KANK1: variants seen among roughly 807,000 people sequenced by gnomAD.
KANK1 encodes the protein KN motif and ankyrin repeat domain-containing protein 1.
In KANK1, 109 loss-of-function variants were observed where a neutral mutation model predicts 106.2. The ratio of observed to expected loss-of-function variants is 1.03; its 90% CI spans 0.88 to 1.20. KANK1 has a LOEUF of 1.20. Among genes scored for constraint, KANK1 ranks in the 50% most tolerant of loss-of-function variants. The probability of loss-of-function intolerance (pLI) is 0.00; values close to 1 mark genes in which losing one functional copy is unlikely to be tolerated. For missense variants in KANK1, 2,399 were observed against 1,710.7 expected (o/e 1.40, Z -7.10); for synonymous variants, 873 against 652.2 (o/e 1.34, Z -5.16).
chr9:646,225 G>T (rs1311689373), intron 1 of KANK1, among the ~76,000 whole-genome samples: 1 of 150,932 alleles, frequency 6.6e-6, no homozygotes, highest in Non-Finnish European at 1.5e-5. Context: ...AAGCATGGTG[G>T]CCCATGCCTG....
chr9:594,422 A>G (rs1161465219), intron 1 of KANK1, among the ~76,000 whole-genome samples: 1 of 151,852 alleles, frequency 6.6e-6, no homozygotes, highest in Admixed American at 6.6e-5. Context: ...GGGACAAATC[A>G]TATACCAGAA....
At chr9:687,329 A>G (rs1160124667) in intron 2 of KANK1, among the ~76,000 whole-genome samples, 1 of 151,960 alleles carries the variant, frequency 6.6e-6, no homozygotes, top group Non-Finnish European at 1.5e-5. Context: ...TGAGCTTTGT[A>G]TTTTCTGTTA....
At chr9:603,730 C>T (rs963593299) in intron 1 of KANK1, among the ~76,000 whole-genome samples, 2 of 151,368 alleles carry the variant, frequency 1.3e-5, no homozygotes, top group Admixed American at 6.6e-5. Flanking sequence ...TCGAGGCGGG[C>T]GGATCACCTG....
At chr9:678,021 G>C (rs1816749237) in intron 2 of KANK1, among the ~76,000 whole-genome samples, 1 of 152,192 alleles carries the variant, frequency 6.6e-6, no homozygotes. Flanking sequence ...ACAGCAGGAA[G>C]TGACCTCTAA....
chr9:586,596 C>A (rs568583485), intron 1 of KANK1, among the ~76,000 whole-genome samples: 1 of 152,166 alleles, frequency 6.6e-6, no homozygotes, highest in South Asian at 2.1e-4. Flanking sequence ...AGGAGAAAAG[C>A]CATGTGTGTG....
At chr9:623,390 G>C (rs1164802475) in intron 1 of KANK1, among the ~76,000 whole-genome samples, 1 of 151,984 alleles carries the variant, frequency 6.6e-6, no homozygotes, top group Non-Finnish European at 1.5e-5. Context: ...AGGAGTTCCA[G>C]ACCAACCTGG....
chr9:616,928 C>T (rs538856114), intron 1 of KANK1, among the ~76,000 whole-genome samples: 32 of 152,216 alleles, frequency 2.1e-4, no homozygotes, highest in African/African-American at 6.3e-4. Context: ...ATGCCACACC[C>T]GAGTTGAGTG....
chr9:563,371 T>C (rs1054200751), intron 1 of KANK1, among the ~76,000 whole-genome samples: 2 of 152,218 alleles, frequency 1.3e-5, no homozygotes, highest in East Asian at 1.9e-4. Flanking sequence ...AACTGAGAAC[T>C]CTGAACAGCC....
chr9:661,372 G>GT (rs1843275268), intron 1 of KANK1, among the ~76,000 whole-genome samples: 1 of 151,846 alleles, frequency 6.6e-6, no homozygotes, highest in African/African-American at 2.4e-5. Context: ...AGAACATGCA[G>GT]TGTCTGGTTT....
intron 5 of KANK1, chr9:731,736 T>C (rs1228112010): frequency 6.5e-6 from 1 of 153,580 alleles, no homozygotes; most frequent in Non-Finnish European, 1.4e-5. Context: ...CATCACCAGT[T>C]TGCTTTCTAA....
intron 7 of KANK1, among the ~76,000 whole-genome samples, chr9:737,341 A>G (rs1456653809): frequency 6.6e-6 from 1 of 152,248 alleles, no homozygotes; most frequent in African/African-American, 2.4e-5. Flanking sequence ...TACCTTTTCT[A>G]CAGAAAGAGG....
At position 712,766 on chromosome 9, in the gene KANK1, G is replaced by T; in HGVS notation, c.2000G>T (p.Arg667Leu). 1 of 1,613,702 alleles carries T rather than the reference G, an allele frequency of 6.2e-7. No homozygotes were observed. The highest frequency in any genetic ancestry group is 8.5e-7 in the Non-Finnish European group (1 of 1,179,872). The change falls in exon 3 of 12, where the codon CGT (arginine) becomes CTT (leucine). Residue 667 changes from arginine to leucine, a missense_variant. Coordinates refer to ENST00000382297, the MANE Select transcript of KANK1 (RefSeq NM_015158.5). ...GAAGCTGCCGTCATGGCAGTGCCTCGTACTGCAGACCAGGACACTAGCACA... is the reference window on the plus strand; with the variant it reads ...GAAGCTGCCGTCATGGCAGTGCCTCTTACTGCAGACCAGGACACTAGCACA... Reference protein sequence around the residue: ...QVEAAVMAVPRTADQDTSTDL... With the variant: ...QVEAAVMAVPLTADQDTSTDL...
chr9:703,634 A>G (rs1435095459), intron 2 of KANK1, among the ~76,000 whole-genome samples: 5 of 152,148 alleles, frequency 3.3e-5, no homozygotes, highest in Admixed American at 2.0e-4. Flanking sequence ...TTGACTGTGC[A>G]AAAGCAGGCA....
intron 2 of KANK1, among the ~76,000 whole-genome samples, chr9:702,709 C>G (rs935167903): frequency 2.6e-5 from 4 of 152,150 alleles, no homozygotes; most frequent in Non-Finnish European, 4.4e-5. Context: ...TCAAGACGAT[C>G]TTTGTTGATG....
rs373644920 is a variant in KANK1, at chr9:712,246, G to A, written c.1480G>A (p.Ala494Thr). 10 of 1,614,058 alleles carry A rather than the reference G, an allele frequency of 6.2e-6. No homozygotes were observed. The highest frequency in any genetic ancestry group is 8.5e-6 in the Non-Finnish European group (10 of 1,180,024). ...EMTKLKQELQ[A>T]AGSRKKVDKA... is the part of the protein sequence containing the mutation. ...GACTAAACTGAAACAAGAGCTGCAG[G>A]CTGCTGGATCGAGGAAAAAGGTTGA... The change falls in exon 3 of 12, where the codon GCT becomes ACT. Residue 494 changes from alanine (A) to threonine (T), a missense_variant. Coordinates refer to ENST00000382297, the MANE Select transcript of KANK1 (RefSeq NM_015158.5).
intron 7 of KANK1, 146 bp downstream of exon 7, chr9:734,981 C>A: frequency 1.6e-6 from 1 of 639,952 alleles, no homozygotes; most frequent in South Asian, 1.9e-5. Flanking sequence ...GGGTAAACAT[C>A]ATGTGGTCTT....
intron 1 of KANK1, among the ~76,000 whole-genome samples, chr9:670,954 T>G (rs1165944238): frequency 7.9e-6 from 1 of 126,604 alleles, no homozygotes; most frequent in Non-Finnish European, 1.5e-5. Context: ...CTGGAGTTTT[T>G]TTTTTTTTTT....
chr9:667,584 T>C (rs1174808421), intron 1 of KANK1, among the ~76,000 whole-genome samples: 1 of 152,118 alleles, frequency 6.6e-6, no homozygotes, highest in Non-Finnish European at 1.5e-5. Context: ...CTCTTAGTAC[T>C]GTGTTTACTG....
At chr9:473,810 C>T (rs1024747753) in intron 3 of KANK1, among the ~76,000 whole-genome samples, 2 of 152,118 alleles carry the variant, frequency 1.3e-5, no homozygotes, top group Admixed American at 1.3e-4. Context: ...AGTGATTCTC[C>T]TGCCTCAGCC....
Sources: allele counts gnomAD v4.1 joint callset (sites outside exome capture counted in the v4.1 genomes callset), GRCh38; gene constraint gnomAD v4.1.1; transcripts MANE v1.5; gene names NCBI Gene and HGNC (gene_info 2026-07-23, HGNC 2026-07-21).